The following SPATA13 variants were observed in gnomAD, a reference collection of about 807,000 sequenced individuals.
SPATA13 encodes the protein spermatogenesis associated 13, also known as spermatogenesis-associated protein 13.
In SPATA13, 50 loss-of-function variants were observed where a neutral mutation model predicts 104.0. That is an observed-to-expected ratio of 0.48 (90% CI 0.38 to 0.61). The LOEUF is 0.61. Ranked by LOEUF, SPATA13 falls within the 20% of genes least tolerant of loss-of-function variation. The pLI is 0.00. For missense variants in SPATA13, 1,524 were observed against 1,690.6 expected, an observed-to-expected ratio of 0.90 and a Z score of 1.73; for synonymous variants, 606 against 667.5, an observed-to-expected ratio of 0.91 and a Z score of 1.42.
At chr13:24,190,011 AT>A (rs1223715409) in intron 1 of SPATA13, among the ~76,000 whole-genome samples, 3 of 42,144 alleles carry the variant, frequency 7.1e-5, no homozygotes, top group Admixed American at 4.1e-4. Context: ...ATAATATATT[AT>A]TATATAACAT....
intron 2 of SPATA13, among the ~76,000 whole-genome samples, chr13:24,245,590 T>C (rs912225135): frequency 1.4e-5 from 2 of 144,256 alleles, no homozygotes; most frequent in East Asian, 2.0e-4. Context: ...GTTTCTTTTT[T>C]TTTTTTTTTT....
chr13:24,269,382 AT>A (rs1424140301), intron 4 of SPATA13, among the ~76,000 whole-genome samples: 4 of 151,766 alleles, frequency 2.6e-5, no homozygotes, highest in African/African-American at 9.7e-5. Context: ...GTGTGTATGT[AT>A]GTATGTGTGT....
chr13:24,306,424 G>A lies in SPATA13; in HGVS notation c.*3651G>A, dbSNP rs1401034812. ...AAACTTAGAATTGTCCCTCAAAGGA[G>A]TGTCAAGAAGTATGAATAAATGTCC... is the stretch of plus-strand genomic sequence containing the variant. On this transcript the variant is annotated 3_prime_UTR_variant, in exon 13 of 13. Transcript: ENST00000382108. 1 of 152,190 alleles carries A rather than the reference G, an allele frequency of 6.6e-6. No individual in the cohort carries two copies. Among genetic ancestry groups the A allele is most frequent in the Non-Finnish European group, 1.5e-5 (1 of 68,036 alleles). 9.4% of individuals were successfully genotyped at this position (152,190 alleles called of 1,614,324 possible).
intron 3 of SPATA13, among the ~76,000 whole-genome samples, chr13:24,044,886 A>AGGGGGG (rs1566083913): frequency 2.3e-3 from 9 of 3,910 alleles, no homozygotes; most frequent in Non-Finnish European, 2.5e-3. Flanking sequence ...TTTCCAGAGG[A>AGGGGGG]GGGGGTGGGG....
Position 24,224,210 on chromosome 13 carries a change from T to G in SPATA13, c.1281T>G (p.Thr427=). ...SWAVESDSSC[T]CSSLPSPIVQ... ...CGGTGGAAAGCGACAGTTCCTGCACTTGCAGCTCTTTGCCAAGCCCGATTG... is the reference window on the plus strand; with the variant it reads ...CGGTGGAAAGCGACAGTTCCTGCACGTGCAGCTCTTTGCCAAGCCCGATTG... The change falls in exon 2 of 13, where the codon ACT becomes ACG. Residue 427 remains threonine, a synonymous_variant. Transcript: ENST00000382108. 1 of 1,551,706 alleles carries G rather than the reference T, an allele frequency of 6.4e-7. No individual in the cohort carries two copies. Among genetic ancestry groups the G allele is most frequent in the Non-Finnish European group, 8.7e-7 (1 of 1,146,998 alleles).
At chr13:24,060,250 A>T (rs1028217949) in intron 3 of SPATA13, among the ~76,000 whole-genome samples, 3 of 152,338 alleles carry the variant, frequency 2.0e-5, no homozygotes, top group Middle Eastern at 3.4e-3. Flanking sequence ...GGCCAGTGGA[A>T]CAGAATAGAG....
chr13:23,993,225 G>A (rs1349737653), intron 2 of SPATA13, among the ~76,000 whole-genome samples: 4 of 152,260 alleles, frequency 2.6e-5, no homozygotes, highest in African/African-American at 9.6e-5. Flanking sequence ...TGCAACTGCA[G>A]AATCACAGCT....
intron 2 of SPATA13, among the ~76,000 whole-genome samples, chr13:24,231,340 T>A (rs1030979055): frequency 2.0e-5 from 3 of 152,218 alleles, no homozygotes; most frequent in African/African-American, 7.2e-5. Context: ...TTCATAGAAA[T>A]GGAATCCTGT....
chr13:24,190,138 ATAT>A lies in SPATA13; in HGVS notation c.-112+29213_-112+29215del, dbSNP rs1448994186. ...TATATAACATAATAATATACAATAT[ATAT>A]TATTATATAACATATATATAATATA... is the stretch of plus-strand genomic sequence containing the variant. On this transcript the variant is annotated intron_variant, in intron 1 of 12. Coordinates refer to ENST00000382108, the MANE Select transcript of SPATA13 (RefSeq NM_001166271.3). Among the ~76,000 whole-genome samples, 15 of 18,942 alleles carry A rather than the reference ATAT, an allele frequency of 7.9e-4. 6 individuals are homozygous for A. The highest frequency in any genetic ancestry group is 2.4e-3 in the Admixed American group (2 of 826). 12.4% of individuals were successfully genotyped at this position (18,942 alleles called of 152,430 possible).
chr13:24,008,194 A>C (rs561861224), intron 2 of SPATA13, among the ~76,000 whole-genome samples: 2 of 152,350 alleles, frequency 1.3e-5, no homozygotes, highest in South Asian at 4.1e-4. Flanking sequence ...ACAACACATA[A>C]AGAGATTTCA....
At chr13:24,217,379 G>A (rs1023293082) in intron 1 of SPATA13, among the ~76,000 whole-genome samples, 1 of 152,172 alleles carries the variant, frequency 6.6e-6, no homozygotes, top group Non-Finnish European at 1.5e-5. Context: ...ACAAAGCACA[G>A]GTCTGCTCCC....
At chr13:24,294,442 C>A (rs913855074) in intron 9 of SPATA13, among the ~76,000 whole-genome samples, 1 of 152,172 alleles carries the variant, frequency 6.6e-6, no homozygotes, top group African/African-American at 2.4e-5. Context: ...CCATTGTCAC[C>A]GTGACTAAAA....
At chr13:24,297,245 G>A (rs569635210) in intron 10 of SPATA13, 118 bp from the exon 11 acceptor site, 2 of 1,234,612 alleles carry the variant, frequency 1.6e-6, no homozygotes, top group Non-Finnish European at 2.2e-6. Context: ...TTGCTGTGTT[G>A]CCCAGGCTGG....
At chr13:24,086,954 G>T (rs1034283681) in intron 3 of SPATA13, among the ~76,000 whole-genome samples, 3 of 152,162 alleles carry the variant, frequency 2.0e-5, no homozygotes, top group Non-Finnish European at 4.4e-5. Context: ...TCTCTAATCT[G>T]GGCTAAGAAG....
intron 1 of SPATA13, among the ~76,000 whole-genome samples, chr13:24,212,222 G>A (rs543157483): frequency 5.3e-5 from 8 of 151,894 alleles, no homozygotes; most frequent in Admixed American, 2.0e-4. Context: ...GGGCTGTGGG[G>A]AGCTGTGATT....
chr13:24,286,746 C>T lies in SPATA13; in HGVS notation c.2482-19C>T. On this transcript the variant is annotated intron_variant, in intron 6 of 12. Coordinates refer to ENST00000382108, the MANE Select transcript of SPATA13 (RefSeq NM_001166271.3). The surrounding 1 kb of genome is among the most constrained non-coding windows in gnomAD (Gnocchi z 4.9). ...CCTCCCCTGCCCCAAGTCACCTGTC[C>T]CCTGTATGTGGGTTGCAGTTGCGAG... 7 of 1,611,704 alleles carry T rather than the reference C, an allele frequency of 4.3e-6. No individual in the cohort carries two copies. Among genetic ancestry groups the T allele is most frequent in the Non-Finnish European group, 5.9e-6 (7 of 1,178,794 alleles).
chr13:24,063,238 G>A (rs60684852), intron 3 of SPATA13, among the ~76,000 whole-genome samples: 1 of 152,228 alleles, frequency 6.6e-6, no homozygotes, highest in East Asian at 1.9e-4. Flanking sequence ...AAACCACCAT[G>A]GGCACAAAGA....
intron 1 of SPATA13, among the ~76,000 whole-genome samples, chr13:24,169,194 C>T (rs751760573): frequency 8.5e-5 from 13 of 152,086 alleles, no homozygotes; most frequent in South Asian, 6.2e-4. Context: ...GCTCTTTACT[C>T]GGTGGTTGCC....
chr13:24,288,254 CCAGG>C (rs2138741127), intron 7 of SPATA13, among the ~76,000 whole-genome samples: 1 of 152,286 alleles, frequency 6.6e-6, no homozygotes, highest in African/African-American at 2.4e-5. Context: ...GGATTTAAAC[CCAGG>C]CAGTCTGCCC....
Sources: allele counts gnomAD v4.1 joint callset (sites outside exome capture counted in the v4.1 genomes callset), GRCh38; gene constraint gnomAD v4.1.1; non-coding constraint Gnocchi (gnomAD v3.1); transcripts MANE v1.5; gene names NCBI Gene and HGNC (gene_info 2026-07-23, HGNC 2026-07-21).